The following DHX34 variants were observed in gnomAD, a reference collection of about 807,000 sequenced individuals.
The protein encoded by DHX34 is DExH-box helicase 34.
In DHX34, 96 loss-of-function variants were observed where a neutral mutation model predicts 111.1. The observed-to-expected ratio is 0.86, with a 90% confidence interval of 0.73 to 1.02. DHX34 has a LOEUF of 1.02. Among genes scored for constraint, DHX34 ranks in the 50% least tolerant of loss-of-function variants. The pLI, the probability that DHX34 is intolerant of heterozygous loss-of-function variation, is 0.00. For missense variants in DHX34, 1,560 were observed against 1,579.9 expected, an observed-to-expected ratio of 0.99 and a Z score of 0.21; for synonymous variants, 688 against 670.4, an observed-to-expected ratio of 1.03 and a Z score of -0.41.
chr19:47,377,107 G>A lies in DHX34; in HGVS notation c.2607G>A (p.Lys869=), dbSNP rs764125758. The A allele has an allele frequency of 1.4e-5, 22 of 1,613,918 alleles. No individual in the cohort carries two copies. The highest frequency in any genetic ancestry group is 6.7e-5 in the Admixed American group (4 of 60,002). ...TCCTCCTCAACCTTTCAGACGACAA[G>A]GACAAGATGAGCAGCAAACACCAGC... is the stretch of plus-strand genomic sequence containing the variant. ...ASNCDGSRDD[K]DKMSSKHQLL... The change falls in exon 13 of 17, where the codon AAG becomes AAA. Residue 869 remains lysine (K), a synonymous_variant. Coordinates refer to ENST00000328771, the MANE Select transcript of DHX34 (RefSeq NM_014681.6).
At chr19:47,362,068 T>G (rs1969646737) in intron 5 of DHX34, among the ~76,000 whole-genome samples, 1 of 151,896 alleles carries the variant, frequency 6.6e-6, no homozygotes, top group Non-Finnish European at 1.5e-5. Flanking sequence ...GCAGATTGCT[T>G]GAGCCCAGGA....
chr19:47,369,785 G>A (rs901658872), intron 7 of DHX34, among the ~76,000 whole-genome samples: 1 of 152,126 alleles, frequency 6.6e-6, no homozygotes, highest in Non-Finnish European at 1.5e-5. Context: ...TAAATGGGAA[G>A]TGTTTAAGTG....
rs1599782877 is a variant in DHX34 at position 47,382,680 on chromosome 19, AAAT to A, written c.*570_*572del. ...ATGGTTGCTCACTCCCGTAATAAAA[AAAT>A]AAAAGAACAGGCTGAGCCGGGCATG... On this transcript the variant is annotated 3_prime_UTR_variant, in exon 17 of 17. Transcript: ENST00000328771. The A allele has an allele frequency of 6.6e-6, 1 of 152,420 alleles. No homozygotes were observed. Among genetic ancestry groups the A allele is most frequent in the South Asian group, 2.0e-4 (1 of 5,088 alleles). The allele number at this position is 152,420 out of a possible 1,614,324, so 9.4% of individuals were successfully genotyped here. A position where few individuals can be genotyped will look rare whatever the true frequency, so the allele number is the denominator to read the frequency against.
At position 47,382,033 on chromosome 19, in the gene DHX34, C is replaced by T; in HGVS notation, c.3352C>T (p.Pro1118Ser). Residue 1118 changes from proline to serine, a missense_variant, in exon 17 of 17, where the codon CCC becomes TCC. Pro to Ser is a moderately conservative substitution (Grantham distance 74). Transcript: ENST00000328771. Reference sequence around the variant, plus strand: ...CCAGAAGACATCTGTCCTGCAGAGGCCCTACCACTGCGAGGCCTGCGGGAA... The same window carrying T: ...CCAGAAGACATCTGTCCTGCAGAGGTCCTACCACTGCGAGGCCTGCGGGAA... Reference protein sequence around the residue: ...TLQKTSVLQRPYHCEACGKDF... With the variant: ...TLQKTSVLQRSYHCEACGKDF... 6.2e-7 allele frequency: 1 copy of T among 1,614,140 alleles called. No homozygotes were observed. The highest frequency in any genetic ancestry group is 2.2e-5 in the East Asian group (1 of 44,882).
intron 13 of DHX34, 78 bp downstream of exon 13, chr19:47,377,284 G>A (rs999426662): frequency 8.8e-6 from 13 of 1,478,158 alleles, no homozygotes; most frequent in Admixed American, 4.0e-5. Flanking sequence ...GGGGCACCGC[G>A]TGGGCTTGGA....
rs184418357 is a variant in DHX34 at position 47,353,090 on chromosome 19, C to T, written c.60C>T (p.Ser20=). ...RDRRDHHRAP[S]EEEALEKWDW... ...GCCGAGACCACCACCGGGCTCCCAG[C>T]GAGGAAGAGGCCTTGGAGAAATGGG... The change falls in exon 2 of 17, where the codon AGC becomes AGT. Residue 20 remains serine, a synonymous_variant. Transcript: ENST00000328771. The surrounding 1 kb of genome is among the most constrained non-coding windows in gnomAD (Gnocchi z 4.6). The T allele has an allele frequency of 1.2e-5, 20 of 1,614,072 alleles. No individual in the cohort carries two copies. The East Asian group carries it at 2.9e-4, about 23-fold the overall frequency.
Position 47,367,068 on chromosome 19 carries a change from C to G in DHX34, c.1681C>G (p.Leu561Val), listed in dbSNP as rs769796312. The G allele has an allele frequency of 1.2e-6, 2 of 1,609,634 alleles. No homozygotes were observed. The highest frequency in any genetic ancestry group is 1.1e-5 in the South Asian group (1 of 90,254). The change falls in exon 7 of 17, where the codon CTC becomes GTC. Residue 561 changes from leucine (L) to valine (V), a missense_variant. By Grantham distance (32) the Leu-to-Val change is conservative. Coordinates refer to ENST00000328771, the MANE Select transcript of DHX34 (RefSeq NM_014681.6). ...PASLETAILY[L>V]RDQGALDSSE... ...CAGCCTGGAAACCGCCATCCTCTACCTCCGGGACCAGGGGGCCCTGGACAG... is the reference window on the plus strand; with the variant it reads ...CAGCCTGGAAACCGCCATCCTCTACGTCCGGGACCAGGGGGCCCTGGACAG...
intron 7 of DHX34, among the ~76,000 whole-genome samples, chr19:47,372,407 G>A (rs1969991933): frequency 6.6e-6 from 1 of 152,110 alleles, no homozygotes; most frequent in Non-Finnish European, 1.5e-5. Flanking sequence ...GAGCGCTGGG[G>A]GAGTGGGTTG....
chr19:47,350,053 G>C (rs1599747500), intron 1 of DHX34, among the ~76,000 whole-genome samples: 1 of 152,146 alleles, frequency 6.6e-6, no homozygotes, highest in African/African-American at 2.4e-5. Context: ...GTGTGTGTGT[G>C]TATGTACATA....
chr19:47,353,652 G>A lies in DHX34; in HGVS notation c.622G>A (p.Ala208Thr). 1.2e-6 allele frequency: 2 copies of A among 1,613,150 alleles called. No homozygotes were observed. The highest frequency in any genetic ancestry group is 1.7e-6 in the Non-Finnish European group (2 of 1,179,900). ...YLLAAGFSHV[A>T]CTQPRRIACI... ...GCTGGCTGCTGGCTTCAGTCATGTGGCGTGCACCCAGCCCCGGCGGATCGC... is the reference window on the plus strand; with the variant it reads ...GCTGGCTGCTGGCTTCAGTCATGTGACGTGCACCCAGCCCCGGCGGATCGC... The change falls in exon 2 of 17, where the codon GCG (alanine) becomes ACG (threonine). Residue 208 changes from alanine (A) to threonine (T), a missense_variant. Coordinates refer to ENST00000328771, the MANE Select transcript of DHX34 (RefSeq NM_014681.6). The surrounding 1 kb of genome is among the most constrained non-coding windows in gnomAD (Gnocchi z 4.6).
chr19:47,377,829 G>A (rs771935341), intron 13 of DHX34, among the ~76,000 whole-genome samples: 6 of 152,040 alleles, frequency 3.9e-5, no homozygotes, highest in Admixed American at 1.3e-4. Context: ...GTGCTGCCCC[G>A]GTGGAGGCTG....
At chr19:47,376,852 G>A in intron 12 of DHX34, 2 of 1,532,192 alleles carry the variant, frequency 1.3e-6, no homozygotes, top group Non-Finnish European at 1.7e-6. Context: ...TGAGCTCCCA[G>A]GTGGGTCCTG....
rs138130970 is a variant in DHX34 at position 47,362,509 on chromosome 19, C to A, written c.1409C>A (p.Ala470Asp). ...AAGGAGATGAGCTACGATCCGCAGG[C>A]CAAGCTGCAACGGCTGCAGGAGTTC... ...KVKEMSYDPQ[A>D]KLQRLQEFWI... The change falls in exon 6 of 17, where the codon GCC becomes GAC. Residue 470 changes from alanine to aspartate, a missense_variant. Coordinates refer to ENST00000328771, the MANE Select transcript of DHX34 (RefSeq NM_014681.6). 6.2e-7 allele frequency: 1 copy of A among 1,604,240 alleles called. No homozygotes were observed. Among genetic ancestry groups the A allele is most frequent in the Non-Finnish European group, 8.5e-7 (1 of 1,173,962 alleles).
intron 13 of DHX34, 129 bp downstream of exon 13, chr19:47,377,335 T>G: frequency 1.1e-6 from 1 of 948,406 alleles, no homozygotes; most frequent in Non-Finnish European, 1.5e-6. Context: ...GCGTCAGCCT[T>G]GGGCCGTTGC....
intron 7 of DHX34, among the ~76,000 whole-genome samples, chr19:47,371,894 G>A (rs996984635): frequency 6.6e-6 from 1 of 151,904 alleles, no homozygotes; most frequent in Admixed American, 6.6e-5. Context: ...GAAGGTCAAC[G>A]GTGGGGGCGG....
At chr19:47,356,936 G>A (rs1969475384) in intron 3 of DHX34, among the ~76,000 whole-genome samples, 1 of 152,178 alleles carries the variant, frequency 6.6e-6, no homozygotes, top group Non-Finnish European at 1.5e-5. Flanking sequence ...GCGAGACCCT[G>A]TCTCAAAAAG....
At chr19:47,359,907 G>A (rs1388877672) in intron 4 of DHX34, 61 bp from the exon 5 acceptor site, 7 of 1,611,234 alleles carry the variant, frequency 4.3e-6, no homozygotes, top group Admixed American at 1.7e-5. Context: ...GCAAGAAATT[G>A]GACACATAGG....
At position 47,368,525 on chromosome 19, in the gene DHX34, T is replaced by C. The variant is rs543978448; in HGVS notation, c.1768+1370T>C. 1.1e-3 allele frequency among the ~76,000 whole-genome samples: 169 copies of C among 150,468 alleles called. 1 individual carries two copies. The highest frequency in any genetic ancestry group is 1.7e-3 in the Admixed American group (26 of 15,060). ...TTCTCTATGTTGGTCAGGCTGGTCTTGAACTCCCGACCTCAGGTGATCTGC... is the reference window on the plus strand; with the variant it reads ...TTCTCTATGTTGGTCAGGCTGGTCTCGAACTCCCGACCTCAGGTGATCTGC... On this transcript the variant is annotated intron_variant, in intron 7 of 16. Coordinates refer to ENST00000328771, the MANE Select transcript of DHX34 (RefSeq NM_014681.6).
intron 16 of DHX34, 76 bp from the exon 17 acceptor site, chr19:47,381,904 G>A: frequency 6.3e-7 from 1 of 1,599,962 alleles, no homozygotes; most frequent in Non-Finnish European, 8.5e-7. Flanking sequence ...AGCCCCACAG[G>A]TGCCTGGCAT....
Sources: allele counts gnomAD v4.1 joint callset (sites outside exome capture counted in the v4.1 genomes callset), GRCh38; gene constraint gnomAD v4.1.1; non-coding constraint Gnocchi (gnomAD v3.1); transcripts MANE v1.5; gene names NCBI Gene and HGNC (gene_info 2026-07-23, HGNC 2026-07-21).